Variants in FHOD3 observed in about 807,000 individuals in gnomAD.
The protein encoded by FHOD3 is FH1/FH2 domain-containing protein 3.
A neutral mutation model predicts 173.0 loss-of-function variants in FHOD3; 90 were observed. The observed-to-expected ratio is 0.52, with a 90% CI of 0.44 to 0.62. FHOD3 has a LOEUF of 0.62. Among genes scored for constraint, FHOD3 ranks in the 20% least tolerant of loss-of-function variants. The pLI is 0.00. For missense variants in FHOD3, 1,945 were observed against 2,034.7 expected, an observed-to-expected ratio of 0.96 and a Z score of 0.85; for synonymous variants, 828 against 823.0, an observed-to-expected ratio of 1.01 and a Z score of -0.10.
intron 26 of FHOD3, among the ~76,000 whole-genome samples, chr18:36,760,404 C>T (rs1025035385): frequency 1.9e-4 from 29 of 152,200 alleles, no homozygotes; most frequent in Admixed American, 1.5e-3. Flanking sequence ...CTTCTGGGGC[C>T]GGGGGCTTTT....
chr18:36,608,962 C>T (rs976142023), intron 8 of FHOD3, among the ~76,000 whole-genome samples: 2 of 152,222 alleles, frequency 1.3e-5, no homozygotes, highest in East Asian at 1.9e-4. Context: ...CTGCTATGAA[C>T]ATTCATGTAC....
intron 17 of FHOD3, among the ~76,000 whole-genome samples, chr18:36,701,759 G>C (rs1205051084): frequency 6.6e-6 from 1 of 152,182 alleles, no homozygotes; most frequent in African/African-American, 2.4e-5. Flanking sequence ...GAGTTCCACT[G>C]ACGCTAAATT....
intron 3 of FHOD3, among the ~76,000 whole-genome samples, chr18:36,489,869 G>GA (rs1209847535): frequency 2.0e-5 from 3 of 152,186 alleles, no homozygotes; most frequent in African/African-American, 7.2e-5. Flanking sequence ...AGAGGGAGAA[G>GA]GGAGGAGGGC....
chr18:36,569,717 T>C (rs948739252), intron 5 of FHOD3, among the ~76,000 whole-genome samples: 1 of 152,144 alleles, frequency 6.6e-6, no homozygotes, highest in Non-Finnish European at 1.5e-5. Flanking sequence ...TTTAAAATAA[T>C]TGAAATACTG....
intron 8 of FHOD3, among the ~76,000 whole-genome samples, chr18:36,610,475 G>A (rs756044634): frequency 7.9e-5 from 12 of 152,174 alleles, no homozygotes; most frequent in Non-Finnish European, 1.3e-4. Flanking sequence ...GTGGCGTGGC[G>A]GCCCAAGTGT....
chr18:36,598,323 A>C (rs1168850859), intron 7 of FHOD3, among the ~76,000 whole-genome samples: 1 of 152,198 alleles, frequency 6.6e-6, no homozygotes, highest in Non-Finnish European at 1.5e-5. Flanking sequence ...CCAGTCCTCA[A>C]AAATCATTAC....
At chr18:36,506,552 G>T (rs2055309553) in intron 4 of FHOD3, among the ~76,000 whole-genome samples, 1 of 152,236 alleles carries the variant, frequency 6.6e-6, no homozygotes, top group East Asian at 1.9e-4. Flanking sequence ...CCATCAATGA[G>T]CTGGAAGAAG....
chr18:36,662,492 C>T (rs1276846059), intron 14 of FHOD3, among the ~76,000 whole-genome samples: 2 of 152,250 alleles, frequency 1.3e-5, no homozygotes, highest in African/African-American at 4.8e-5. Context: ...TGTAATAATG[C>T]CATTGTTTAC....
chr18:36,538,305 A>G (rs923289444), intron 5 of FHOD3, among the ~76,000 whole-genome samples: 2 of 152,254 alleles, frequency 1.3e-5, no homozygotes, highest in African/African-American at 2.4e-5. Context: ...TAAAATAAAC[A>G]GAAAAAGGGA....
intron 1 of FHOD3, among the ~76,000 whole-genome samples, chr18:36,332,906 G>A (rs2045097111): frequency 6.6e-6 from 1 of 152,236 alleles, no homozygotes; most frequent in Admixed American, 6.5e-5. Flanking sequence ...TTAAAGTGCA[G>A]CCAAGGTGGG....
intron 3 of FHOD3, among the ~76,000 whole-genome samples, chr18:36,463,744 C>A (rs2052736497): frequency 6.6e-6 from 1 of 152,210 alleles, no homozygotes. Context: ...AATCTGCCCG[C>A]CTTAGCCTCC....
chr18:36,748,643 T>G (rs2042270404), intron 24 of FHOD3, among the ~76,000 whole-genome samples: 1 of 152,124 alleles, frequency 6.6e-6, no homozygotes, highest in Non-Finnish European at 1.5e-5. Context: ...GCCTCACCTG[T>G]CCACATCCTA....
chr18:36,760,918 C>A, intron 27 of FHOD3, 136 bp downstream of exon 27: 1 of 855,030 alleles, frequency 1.2e-6, no homozygotes, highest in Non-Finnish European at 1.7e-6. Flanking sequence ...ACACACATTC[C>A]CTCACTAGCG....
chr18:36,446,738 C>T (rs946856022), intron 3 of FHOD3, among the ~76,000 whole-genome samples: 1 of 152,086 alleles, frequency 6.6e-6, no homozygotes, highest in Non-Finnish European at 1.5e-5. Flanking sequence ...CCCACCTGCC[C>T]CCAGTGCTCC....
intron 4 of FHOD3, among the ~76,000 whole-genome samples, chr18:36,504,763 A>AATAC (rs770858191): frequency 7.2e-5 from 11 of 151,964 alleles, no homozygotes; most frequent in African/African-American, 2.2e-4. Context: ...TAAATAAATA[A>AATAC]ATAAATACAT....
In FHOD3 at chr18:36,625,574, C is replaced by A. The variant is rs574004851; in HGVS notation, c.1021C>A (p.Arg341=). The change falls in exon 10 of 29, where the codon CGG becomes AGG. Residue 341 remains arginine, a synonymous_variant. Coordinates refer to ENST00000590592, the MANE Select transcript of FHOD3 (RefSeq NM_001281740.3). Reference sequence around the variant, plus strand: ...GCCACCCCCCAGTGGGTGCCGGGACCGGAGGAGGGCCAGCGTGTGTTCCAG... The same window carrying A: ...GCCACCCCCCAGTGGGTGCCGGGACAGGAGGAGGGCCAGCGTGTGTTCCAG... ...TEPPPSGCRD[R]RRASVCSSGG... is the part of the protein sequence containing the mutation. 4.0e-5 allele frequency: 62 copies of A among 1,538,570 alleles called. No homozygotes were observed. The highest frequency in any genetic ancestry group is 5.5e-5 in the Non-Finnish European group (62 of 1,134,204).
intron 3 of FHOD3, among the ~76,000 whole-genome samples, chr18:36,497,056 G>C (rs1229314603): frequency 1.3e-5 from 2 of 152,198 alleles, no homozygotes; most frequent in African/African-American, 4.8e-5. Context: ...AATCTGCAAA[G>C]TCTGTAGTGA....
intron 28 of FHOD3, among the ~76,000 whole-genome samples, chr18:36,771,015 C>T (rs2043354476): frequency 1.3e-5 from 2 of 152,114 alleles, no homozygotes; most frequent in African/African-American, 4.8e-5. Context: ...TATCTAAGGC[C>T]TTTACATTTC....
chr18:36,419,267 T>C (rs1361285515), intron 3 of FHOD3, among the ~76,000 whole-genome samples: 1 of 151,894 alleles, frequency 6.6e-6, no homozygotes, highest in Non-Finnish European at 1.5e-5. Context: ...CAAAAGGAAT[T>C]ATTCCACTTT....
Sources: gnomAD v4.1 joint callset for allele counts (sites outside exome capture counted in the v4.1 genomes callset) on GRCh38, gnomAD v4.1.1 for gene constraint, MANE v1.5 for transcripts, NCBI Gene and HGNC (gene_info 2026-07-23, HGNC 2026-07-21) for gene names.